WWP1: variants seen among roughly 807,000 people sequenced by gnomAD.
WWP1 encodes NEDD4-like E3 ubiquitin-protein ligase WWP1.
A neutral mutation model predicts 130.6 loss-of-function variants in WWP1; 49 were observed. That is an observed-to-expected ratio of 0.38 (90% CI 0.30 to 0.48). WWP1 has a LOEUF of 0.48. Among genes scored for constraint, WWP1 ranks in the 20% least tolerant of loss-of-function variants. The probability of loss-of-function intolerance (pLI) is 0.99; values close to 1 mark genes in which losing one functional copy is unlikely to be tolerated. For missense variants in WWP1, 809 were observed against 1,100.6 expected (o/e 0.74, Z 3.75); for synonymous variants, 332 against 367.8 (o/e 0.90, Z 1.11).
intron 2 of WWP1, among the ~76,000 whole-genome samples, 178 bp from the exon 3 acceptor site, chr8:86,373,852 C>T (rs1034484309): frequency 6.6e-6 from 1 of 152,078 alleles, no homozygotes; most frequent in African/African-American, 2.4e-5. Context: ...TACTACTCAC[C>T]ATTTTTTCTG....
chr8:86,349,262 G>A (rs1401676737), intron 1 of WWP1, among the ~76,000 whole-genome samples: 1 of 152,156 alleles, frequency 6.6e-6, no homozygotes, highest in Non-Finnish European at 1.5e-5. Flanking sequence ...CAGGTGATCT[G>A]TCCGCCTCGG....
intron 1 of WWP1, among the ~76,000 whole-genome samples, chr8:86,365,889 A>G (rs1823940341): frequency 2.0e-5 from 3 of 152,186 alleles, no homozygotes; most frequent in Non-Finnish European, 4.4e-5. Flanking sequence ...ATTTGAAGGG[A>G]GAGAGAAAGG....
chr8:86,361,424 C>G (rs1420088088), intron 1 of WWP1, among the ~76,000 whole-genome samples: 3 of 152,102 alleles, frequency 2.0e-5, no homozygotes, highest in Non-Finnish European at 4.4e-5. Context: ...TTCAGGCTAC[C>G]CTTACAACAC....
chr8:86,353,875 T>G (rs891452739), intron 1 of WWP1, among the ~76,000 whole-genome samples: 1 of 152,236 alleles, frequency 6.6e-6, no homozygotes, highest in African/African-American at 2.4e-5. Context: ...GTCTATGCCC[T>G]GTGAAATATT....
chr8:86,418,277 C>T (rs990592814), intron 9 of WWP1, among the ~76,000 whole-genome samples: 1 of 152,118 alleles, frequency 6.6e-6, no homozygotes, highest in Non-Finnish European at 1.5e-5. Context: ...CTTTGTGGAG[C>T]GTATGGTCTA....
chr8:86,402,009 T>C lies in WWP1; in HGVS notation c.540-10T>C. The C allele has an allele frequency of 6.5e-7, 1 of 1,548,618 alleles. No individual in the cohort carries two copies. The highest frequency in any genetic ancestry group is 1.2e-5 in the South Asian group (1 of 80,986). Reference sequence around the variant, plus strand: ...CTTAAATGATTGAAATAAGGCATTTTTTTTTCAAGGTTGGCTGTTGAAGGC... The same window carrying C: ...CTTAAATGATTGAAATAAGGCATTTCTTTTTCAAGGTTGGCTGTTGAAGGC... On this transcript the variant is annotated splice_polypyrimidine_tract_variant and intron_variant, in intron 7 of 24. Transcript: ENST00000517970.
At chr8:86,343,020 C>G (rs1822310903) in intron 1 of WWP1, 90 bp downstream of exon 1, 1 of 303,114 alleles carries the variant, frequency 3.3e-6, no homozygotes, top group Non-Finnish European at 6.1e-6. Context: ...TGCTGGGCGC[C>G]CGGCGCCGTC....
intron 5 of WWP1, among the ~76,000 whole-genome samples, chr8:86,393,066 G>T (rs1343797331): frequency 6.6e-6 from 1 of 152,008 alleles, no homozygotes; most frequent in African/African-American, 2.4e-5. Flanking sequence ...ATGTTTATTA[G>T]TCATTCATAC....
intron 3 of WWP1, among the ~76,000 whole-genome samples, chr8:86,378,350 C>T (rs1253425423): frequency 6.6e-6 from 1 of 151,702 alleles, no homozygotes; most frequent in Non-Finnish European, 1.5e-5. Context: ...CCTTTGTTTC[C>T]ATTGGTAAAG....
chr8:86,398,564 T>A lies in WWP1; in HGVS notation c.473-8T>A, dbSNP rs759727780. 6.2e-7 allele frequency: 1 copy of A among 1,612,796 alleles called. No homozygotes were observed. The highest frequency in any genetic ancestry group is 2.2e-5 in the East Asian group (1 of 44,822). On this transcript the variant is annotated splice_region_variant and splice_polypyrimidine_tract_variant and intron_variant, in intron 6 of 24. Coordinates refer to ENST00000517970, the MANE Select transcript of WWP1 (RefSeq NM_007013.4). ...AAAAACCTAGTTTTTTTCTTTCTTG[T>A]TGTTCAGTAGAAATACAGGAAAATG...
chr8:86,398,119 G>A (rs1807780468), intron 5 of WWP1, among the ~76,000 whole-genome samples: 2 of 152,130 alleles, frequency 1.3e-5, no homozygotes, highest in African/African-American at 4.8e-5. Context: ...GTATTTATAT[G>A]TTCTCCAAAA....
chr8:86,416,176 A>G (rs1413959089), intron 9 of WWP1, among the ~76,000 whole-genome samples: 1 of 152,200 alleles, frequency 6.6e-6, no homozygotes, highest in African/African-American at 2.4e-5. Context: ...GCTGTATTCA[A>G]ATTGCTGTGA....
In WWP1 at chr8:86,427,828, A is replaced by G. The variant is rs751530711; in HGVS notation, c.1332+11A>G. On this transcript the variant is annotated intron_variant, in intron 11 of 24. Coordinates refer to ENST00000517970, the MANE Select transcript of WWP1 (RefSeq NM_007013.4). The stretch of plus-strand genomic sequence containing the variant: ...CGATACCTCTATTCGGTAATTAGCA[A>G]ATTGTAAGATGTTAACATAACTTCC... The G allele has an allele frequency of 3.8e-5, 60 of 1,594,076 alleles. No individual in the cohort carries two copies. Among genetic ancestry groups the G allele is most frequent in the Non-Finnish European group, 4.6e-5 (54 of 1,168,446 alleles).
rs1397330995 is a variant in WWP1 at position 86,397,228 on chromosome 8, T to C, written c.335-1114T>C. ...TGAAATGTTCCATGATTGCAAAAAC[T>C]GCAGAAAGCCACTGAAGATCAGATG... On this transcript the variant is annotated intron_variant, in intron 5 of 24. Coordinates refer to ENST00000517970, the MANE Select transcript of WWP1 (RefSeq NM_007013.4). Among the ~76,000 whole-genome samples, 4 of 152,214 alleles carry C rather than the reference T, an allele frequency of 2.6e-5. No individual in the cohort carries two copies. In the East Asian group the frequency reaches 7.7e-4, roughly 29 times the overall value.
intron 1 of WWP1, among the ~76,000 whole-genome samples, chr8:86,363,264 C>T (rs1823773432): frequency 6.6e-6 from 1 of 152,100 alleles, no homozygotes; most frequent in African/African-American, 2.4e-5. Context: ...AGGATTAAAG[C>T]AGAGGGGAAT....
Position 86,466,897 on chromosome 8 carries a change from T to C in WWP1, c.*4T>C, listed in dbSNP as rs1361284107. On this transcript the variant is annotated 3_prime_UTR_variant, in exon 25 of 25. Transcript: ENST00000517970. ...AGAGGGATTTGGACAAGAATGAATGTGGCTTCTTATTTTGGAGGAGCTCTT... is the reference window on the plus strand; with the variant it reads ...AGAGGGATTTGGACAAGAATGAATGCGGCTTCTTATTTTGGAGGAGCTCTT... The C allele has an allele frequency of 5.0e-6, 8 of 1,599,318 alleles. No individual in the cohort carries two copies. In the Admixed American group the frequency reaches 1.2e-4, roughly 25 times the overall value.
chr8:86,361,790 G>A (rs1232241534), intron 1 of WWP1, among the ~76,000 whole-genome samples: 1 of 151,670 alleles, frequency 6.6e-6, no homozygotes, highest in African/African-American at 2.4e-5. Context: ...ATAATATTAA[G>A]GTGCTTTTGT....
At chr8:86,383,162 A>T (rs1279889573) in intron 5 of WWP1, among the ~76,000 whole-genome samples, 1 of 138,026 alleles carries the variant, frequency 7.2e-6, no homozygotes, top group Non-Finnish European at 1.5e-5. Context: ...TGTAAGTTTG[A>T]TTCTCTGCTA....
At chr8:86,398,249 C>A in intron 5 of WWP1, 93 bp from the exon 6 acceptor site, 1 of 1,362,910 alleles carries the variant, frequency 7.3e-7, no homozygotes, top group Non-Finnish European at 9.9e-7. Context: ...ATGTCAAGTA[C>A]TGAATTAGAG....
Sources: gnomAD v4.1 joint callset for allele counts (sites outside exome capture counted in the v4.1 genomes callset) on GRCh38, gnomAD v4.1.1 for gene constraint, MANE v1.5 for transcripts, NCBI Gene and HGNC (gene_info 2026-07-23, HGNC 2026-07-21) for gene names.